HEXD: variants seen among roughly 807,000 people sequenced by gnomAD.
HEXD encodes hexosaminidase D.
Under a neutral mutation model 54.2 loss-of-function variants are expected in HEXD, and 47 were observed. That is an observed-to-expected ratio of 0.87 (90% CI 0.69 to 1.11). HEXD has a LOEUF of 1.11. Ranked by LOEUF, HEXD falls within the 50% of genes least tolerant of loss-of-function variation. The probability of loss-of-function intolerance (pLI) is 0.00; values close to 1 mark genes in which losing one functional copy is unlikely to be tolerated. For missense variants in HEXD, 576 were observed against 649.2 expected, an observed-to-expected ratio of 0.89 and a Z score of 1.23; for synonymous variants, 293 against 287.6, an observed-to-expected ratio of 1.02 and a Z score of -0.19.
At position 82,428,554 on chromosome 17, in the gene HEXD, C is replaced by G. The variant is rs199789834; in HGVS notation, c.195-4C>G. On this transcript the variant is annotated splice_polypyrimidine_tract_variant and splice_region_variant and intron_variant, in intron 3 of 12. Transcript: ENST00000327949. ...CCCTCTCTCTATGAATTTTGTCTCTCCAGCCCCTCTGAAATCAAAGAGATC... is the reference window on the plus strand; with the variant it reads ...CCCTCTCTCTATGAATTTTGTCTCTGCAGCCCCTCTGAAATCAAAGAGATC... 3.7e-6 allele frequency: 6 copies of G among 1,612,782 alleles called. No homozygotes were observed. The African/African-American group carries it at 6.7e-5, about 18-fold the overall frequency.
rs1384717954 is a variant in HEXD at position 82,433,092 on chromosome 17, ATATATAT to A, written c.283-565_283-559del. On this transcript the variant is annotated intron_variant, in intron 4 of 12. Coordinates refer to ENST00000327949, the MANE Select transcript of HEXD (RefSeq NM_001330542.2). ...AAAAAAAAAAGAAAAAAAAAAAAAA[ATATATAT>A]ATATATATATATATATATATATATA... 1.5e-3 allele frequency among the ~76,000 whole-genome samples: 16 copies of A among 10,342 alleles called. 2 individuals carry two copies. The highest frequency in any genetic ancestry group is 1.6e-3 in the Non-Finnish European group (11 of 6,824). The allele number at this position is 10,342 out of a possible 152,430, so 6.8% of individuals were successfully genotyped here.
chr17:82,422,796 C>A (rs2053273886), intron 2 of HEXD, among the ~76,000 whole-genome samples: 1 of 152,052 alleles, frequency 6.6e-6, no homozygotes, highest in Middle Eastern at 3.4e-3. Context: ...GTGGCTCATG[C>A]CTATAATCCC....
chr17:82,439,414 A>C (rs1409263587), intron 8 of HEXD: 1 of 984,828 alleles, frequency 1.0e-6, no homozygotes, highest in Non-Finnish European at 1.2e-6. Flanking sequence ...CACGCTCTTC[A>C]CTTGTCCGGT....
chr17:82,436,204 G>C (rs4072532), intron 6 of HEXD, among the ~76,000 whole-genome samples: 6 of 152,054 alleles, frequency 3.9e-5, no homozygotes, highest in Non-Finnish European at 8.8e-5. Context: ...GGCCCTGCTC[G>C]CTCTGCCTGA....
Position 82,433,804 on chromosome 17 carries a change from G to A in HEXD, c.429G>A (p.Leu143=), listed in dbSNP as rs773528903. Reference sequence around the variant, plus strand: ...AGCTACACCCAGGCGCCCAGCGGCTGCACATCGGGTGTGATGAGGTGGGTA... The same window carrying A: ...AGCTACACCCAGGCGCCCAGCGGCTACACATCGGGTGTGATGAGGTGGGTA... ...VLELHPGAQR[L]HIGCDEVYYL... is the part of the protein sequence containing the mutation. The change falls in exon 5 of 13, where the codon CTG becomes CTA. Residue 143 remains leucine (L), a synonymous_variant. Transcript: ENST00000327949. 3 of 1,612,726 alleles carry A rather than the reference G, an allele frequency of 1.9e-6. No individual in the cohort carries two copies. The highest frequency in any genetic ancestry group is 2.5e-6 in the Non-Finnish European group (3 of 1,179,606).
intron 6 of HEXD, 72 bp from the exon 7 acceptor site, chr17:82,436,595 G>C: frequency 7.7e-7 from 1 of 1,297,764 alleles, no homozygotes; most frequent in Non-Finnish European, 1.1e-6. Context: ...AGCAAAACGA[G>C]AACAGGTGGG....
At chr17:82,439,478 C>T (rs2053864834) in intron 8 of HEXD, 153 bp from the exon 9 acceptor site, 4 of 985,326 alleles carry the variant, frequency 4.1e-6, no homozygotes, top group Non-Finnish European at 4.8e-6. Flanking sequence ...GTCTTGGAAA[C>T]CCTGGGCCCC....
intron 8 of HEXD, among the ~76,000 whole-genome samples, chr17:82,438,460 G>C (rs1381937030): frequency 6.6e-6 from 1 of 152,176 alleles, no homozygotes; most frequent in Non-Finnish European, 1.5e-5. Flanking sequence ...GCAAGAATGG[G>C]CCTTGTTAGT....
intron 11 of HEXD, among the ~76,000 whole-genome samples, 186 bp downstream of exon 11, chr17:82,441,452 G>T (rs1270603651): frequency 6.7e-6 from 1 of 149,360 alleles, no homozygotes; most frequent in African/African-American, 2.5e-5. Context: ...TGAACAGGCA[G>T]GTGTGAGCGT....
At chr17:82,439,836 G>T (rs149027245) in intron 9 of HEXD, 123 bp downstream of exon 9, 7 of 1,570,230 alleles carry the variant, frequency 4.5e-6, no homozygotes, top group Middle Eastern at 1.7e-4. Context: ...ACAGTCGGAG[G>T]ATGGTCTCAC....
In HEXD at chr17:82,434,540, A is replaced by G. The variant is rs1384169215; in HGVS notation, c.447+718A>G. 6.6e-6 allele frequency among the ~76,000 whole-genome samples: 1 copy of G among 152,176 alleles called. No individual in the cohort carries two copies. The highest frequency in any genetic ancestry group is 2.4e-5 in the African/African-American group (1 of 41,444). On this transcript the variant is annotated intron_variant, in intron 5 of 12. Transcript: ENST00000327949. This position sits in a 1 kb window ranked among gnomAD's most constrained non-coding sequence, Gnocchi z 4.5. ...AATACACTTAAGCTTTACCATTCTA[A>G]CCATTTTAAAATATAGGCTGGGTGT...
chr17:82,427,340 G>A (rs1399135330), intron 3 of HEXD: 1 of 152,104 alleles, frequency 6.6e-6, no homozygotes, highest in Non-Finnish European at 1.5e-5. Flanking sequence ...AAATTGTAAA[G>A]ACTGTGTTGA....
intron 6 of HEXD, 75 bp downstream of exon 6, chr17:82,435,947 C>T (rs1227636243): frequency 5.4e-6 from 8 of 1,473,724 alleles, no homozygotes; most frequent in Admixed American, 1.8e-5. Flanking sequence ...AAAGAAGGTG[C>T]TGTAGGAAGT....
rs1370325500 is a variant in HEXD, at chr17:82,441,004, T to C, written c.990T>C (p.Phe330=). The C allele has an allele frequency of 1.2e-6, 2 of 1,613,394 alleles. No homozygotes were observed. The highest frequency in any genetic ancestry group is 2.2e-5 in the East Asian group (1 of 44,896). Residue 330 remains phenylalanine (F), a synonymous_variant, in exon 10 of 13, where the codon TTT becomes TTC. Transcript: ENST00000327949. ...ACLQLLLRGG[F]DEDVKAKVEN... is the part of the protein sequence containing the mutation. The stretch of plus-strand genomic sequence containing the variant: ...GCTCATTTGTGATTTCAGGAGGATT[T>C]GATGAAGATGTTAAAGCGAAAGTGG...
At chr17:82,433,887 A>G in intron 5 of HEXD, 65 bp downstream of exon 5, 2 of 1,435,884 alleles carry the variant, frequency 1.4e-6, no homozygotes, top group South Asian at 1.3e-5. Context: ...CCTTTTAAAT[A>G]GGAAAATCTT....
chr17:82,442,030 A>C lies in HEXD; in HGVS notation c.1253+141A>C, dbSNP rs918035470. 7.7e-6 allele frequency: 10 copies of C among 1,301,694 alleles called. No homozygotes were observed. In the Admixed American group the frequency reaches 1.3e-4, roughly 17 times the overall value. The allele number at this position is 1,301,694 out of a possible 1,614,324, so 80.6% of individuals were successfully genotyped here. On this transcript the variant is annotated intron_variant, in intron 12 of 12. Transcript: ENST00000327949. The surrounding 1 kb of genome is among the most constrained non-coding windows in gnomAD (Gnocchi z 6.8). Reference sequence around the variant, plus strand: ...CTCTGGTCTCAGATGTGCAGCTGTCACCGACTTGTTCCTCCCGACATGCCG... The same window carrying C: ...CTCTGGTCTCAGATGTGCAGCTGTCCCCGACTTGTTCCTCCCGACATGCCG...
At chr17:82,420,457 G>C (rs1299057411) in intron 2 of HEXD, 1 of 152,304 alleles carries the variant, frequency 6.6e-6, no homozygotes, top group African/African-American at 2.4e-5. Flanking sequence ...AAGCAAGGAA[G>C]GGTCCTCCTC....
Position 82,441,848 on chromosome 17 carries a change from C to G in HEXD, c.1212C>G (p.Ile404Met). Residue 404 changes from isoleucine (I) to methionine (M), a missense_variant, in exon 12 of 13, where the codon ATC becomes ATG. Transcript: ENST00000327949. The stretch of plus-strand genomic sequence containing the variant: ...CCTACCACCGCCAGCGGAAGCTCAT[C>G]CACCCGGTCATGGTTCAGCACATCC... ...FSPYHRQRKL[I>M]HPVMVQHIQP... 6.2e-7 allele frequency: 1 copy of G among 1,613,294 alleles called. No homozygotes were observed. Among genetic ancestry groups the G allele is most frequent in the Non-Finnish European group, 8.5e-7 (1 of 1,179,994 alleles).
Position 82,433,118 on chromosome 17 carries a change from ATATATATATATTTTTTTTTTTTT to A in HEXD, c.283-538_283-516del, listed in dbSNP as rs1197998610. ...TATATATATATATATATATATATAT[ATATATATATATTTTTTTTTTTTT>A]TTTATATATATATTTTTAGTCTGGG... On this transcript the variant is annotated intron_variant, in intron 4 of 12. Coordinates refer to ENST00000327949, the MANE Select transcript of HEXD (RefSeq NM_001330542.2). Among the ~76,000 whole-genome samples the A allele has an allele frequency of 2.8e-3, 50 of 18,000 alleles. 5 individuals are homozygous for A. Among genetic ancestry groups the A allele is most frequent in the Middle Eastern group, 0.045 (1 of 22 alleles). The allele number at this position is 18,000 out of a possible 152,430, so 11.8% of individuals were successfully genotyped here.
Sources: gnomAD v4.1 joint callset for allele counts (sites outside exome capture counted in the v4.1 genomes callset) on GRCh38, gnomAD v4.1.1 for gene constraint, Gnocchi (gnomAD v3.1) non-coding constraint, MANE v1.5 for transcripts, NCBI Gene and HGNC (gene_info 2026-07-23, HGNC 2026-07-21) for gene names.